The following NFX1 variants were observed in gnomAD, a reference collection of about 807,000 sequenced individuals.
NFX1 encodes transcriptional repressor NF-X1.
Under a neutral mutation model 137.2 loss-of-function variants are expected in NFX1, and 69 were observed. The ratio of observed to expected loss-of-function variants is 0.50; its 90% CI spans 0.41 to 0.61. The LOEUF (loss-of-function observed/expected upper bound fraction) is 0.61. Among genes scored for constraint, NFX1 ranks in the 20% least tolerant of loss-of-function variants. The probability of loss-of-function intolerance (pLI) is 0.00; values close to 1 mark genes in which losing one functional copy is unlikely to be tolerated. For missense variants in NFX1, 1,167 were observed against 1,391.0 expected, an observed-to-expected ratio of 0.84 and a Z score of 2.56; for synonymous variants, 495 against 474.1, an observed-to-expected ratio of 1.04 and a Z score of -0.57.
chr9:33,338,223 C>T (rs1564131553), intron 11 of NFX1, among the ~76,000 whole-genome samples: 1 of 151,720 alleles, frequency 6.6e-6, no homozygotes, highest in Non-Finnish European at 1.5e-5. Flanking sequence ...GGTGTGGTGG[C>T]AGGCACCTGT....
In NFX1 at chr9:33,294,964, T is replaced by A. The variant is rs1821298484; in HGVS notation, c.570T>A (p.Cys190Ter). 1.2e-6 allele frequency: 2 copies of A among 1,613,992 alleles called. No homozygotes were observed. The highest frequency in any genetic ancestry group is 1.7e-6 in the Non-Finnish European group (2 of 1,180,004). ...RGPKVKGKLK[C>*]EWSNRTTPKP... ...CAAAAGTCAAGGGGAAACTCAAATG[T>A]GAATGGAGTAACCGAACAACTCCAA... is the stretch of plus-strand genomic sequence containing the variant. The change falls in exon 2 of 24, where the codon TGT (cysteine) becomes TGA (stop). Residue 190 changes from cysteine to a stop codon, truncating the protein, a stop_gained. Transcript: ENST00000379540. LOFTEE classifies it high-confidence loss of function.
chr9:33,357,286 TG>T (rs978618993), intron 19 of NFX1, among the ~76,000 whole-genome samples: 15 of 151,904 alleles, frequency 9.9e-5, no homozygotes, highest in Admixed American at 3.9e-4. Context: ...TGGGCGACAG[TG>T]GGAGACTCCG....
intron 17 of NFX1, among the ~76,000 whole-genome samples, chr9:33,353,683 CTTTTTTTT>C (rs111306917): frequency 1.8e-5 from 2 of 110,086 alleles, no homozygotes; most frequent in Admixed American, 2.0e-4. Flanking sequence ...GATAGATTTG[CTTTTTTTT>C]TTTTTTTTTT....
chr9:33,343,051 A>G (rs706133), intron 13 of NFX1, among the ~76,000 whole-genome samples, 197 bp downstream of exon 13: 126,223 of 152,126 alleles, frequency 0.83, 52,493 homozygotes, highest in Non-Finnish European at 0.84. Context: ...TGGGATATGA[A>G]CAGTGATCCT....
At chr9:33,354,270 C>T (rs1467277962) in intron 18 of NFX1, 83 bp downstream of exon 18, 32 of 1,109,400 alleles carry the variant, frequency 2.9e-5, no homozygotes, top group Non-Finnish European at 3.9e-5. Flanking sequence ...TTATCTCAAT[C>T]CTTCATAGTA....
At chr9:33,352,570 G>T in intron 16 of NFX1, 76 bp from the exon 17 acceptor site, 1 of 1,258,504 alleles carries the variant, frequency 7.9e-7, no homozygotes. Flanking sequence ...GTTTAAGAGA[G>T]GATTTAAGAG....
intron 6 of NFX1, among the ~76,000 whole-genome samples, chr9:33,313,121 C>G (rs748033119): frequency 9.2e-5 from 14 of 152,110 alleles, no homozygotes; most frequent in Non-Finnish European, 8.8e-5. Flanking sequence ...AGGACCAGAA[C>G]CCAGATCTTC....
At chr9:33,356,991 C>CAA (rs371390697) in intron 19 of NFX1, among the ~76,000 whole-genome samples, 59 of 102,628 alleles carry the variant, frequency 5.7e-4, no homozygotes, top group Admixed American at 1.1e-3. Flanking sequence ...AATGCTGTCT[C>CAA]AAAAAAAAAA....
intron 7 of NFX1, 29 bp from the exon 8 acceptor site, chr9:33,318,702 C>T (rs1358812391): frequency 5.7e-6 from 9 of 1,584,856 alleles, no homozygotes; most frequent in Middle Eastern, 1.7e-4. Context: ...ATGTTACTAA[C>T]GTTTTGTTTT....
chr9:33,293,844 C>T (rs1312321453), intron 1 of NFX1, among the ~76,000 whole-genome samples: 1 of 152,158 alleles, frequency 6.6e-6, no homozygotes, highest in East Asian at 1.9e-4. Flanking sequence ...AACTAATACA[C>T]TTATTAAGTA....
intron 1 of NFX1, among the ~76,000 whole-genome samples, chr9:33,292,975 G>C (rs978993394): frequency 6.6e-6 from 1 of 152,152 alleles, no homozygotes; most frequent in African/African-American, 2.4e-5. Flanking sequence ...GATTTTGTGA[G>C]GCCCTCCATC....
At chr9:33,295,669 A>G (rs1821329069) in intron 2 of NFX1, among the ~76,000 whole-genome samples, 1 of 152,164 alleles carries the variant, frequency 6.6e-6, no homozygotes. Flanking sequence ...TCTTTTCCAA[A>G]TGAGGAATTT....
intron 11 of NFX1, among the ~76,000 whole-genome samples, chr9:33,334,993 C>T (rs1327576838): frequency 1.3e-5 from 2 of 152,190 alleles, no homozygotes; most frequent in Non-Finnish European, 2.9e-5. Flanking sequence ...TTTCATCCAT[C>T]CCTCCTTCCC....
At chr9:33,311,424 C>G (rs1329162644) in intron 6 of NFX1, among the ~76,000 whole-genome samples, 2 of 152,080 alleles carry the variant, frequency 1.3e-5, no homozygotes, top group African/African-American at 4.8e-5. Context: ...ATGGATAGTA[C>G]TTTTCTGTAA....
At chr9:33,311,284 G>T in intron 6 of NFX1, 107 bp downstream of exon 6, 2 of 1,020,540 alleles carry the variant, frequency 2.0e-6, no homozygotes, top group Non-Finnish European at 3.0e-6. Flanking sequence ...TAAATGGTAG[G>T]CATGAATAGT....
chr9:33,313,030 G>A (rs755292345), intron 6 of NFX1, among the ~76,000 whole-genome samples: 3 of 152,206 alleles, frequency 2.0e-5, no homozygotes, highest in East Asian at 1.9e-4. Context: ...CCATTGTGCT[G>A]TTAGTCTGAG....
chr9:33,308,859 G>A lies in NFX1; in HGVS notation c.1376+1560G>A, dbSNP rs73476696. ...TTGGAGGAGGGATAATATTGGACCA[G>A]GGCCTTGTGATCAAGGCATGGTGGT... On this transcript the variant is annotated intron_variant, in intron 5 of 23. Coordinates refer to ENST00000379540, the MANE Select transcript of NFX1 (RefSeq NM_002504.6). Among the ~76,000 whole-genome samples the A allele has an allele frequency of 6.1e-3, 933 of 152,116 alleles. 9 individuals are homozygous for A. The highest frequency in any genetic ancestry group is 0.022 in the African/African-American group (898 of 41,484).
intron 19 of NFX1, among the ~76,000 whole-genome samples, chr9:33,355,840 T>C (rs1401937369): frequency 6.6e-6 from 1 of 152,146 alleles, no homozygotes; most frequent in East Asian, 1.9e-4. Flanking sequence ...AAATGGGGTT[T>C]CACCATGTTG....
rs368598447 is a variant in NFX1, at chr9:33,324,224, T to G, written c.1907-4357T>G. 4.3e-4 allele frequency among the ~76,000 whole-genome samples: 65 copies of G among 152,028 alleles called. No homozygotes were observed. In the South Asian group the frequency reaches 0.013, roughly 31 times the overall value. ...TGAAATCTCGTCTCTACTAAAAATA[T>G]AAAAATTAGCTGGGTGTGGCGGCAC... is the stretch of plus-strand genomic sequence containing the variant. On this transcript the variant is annotated intron_variant, in intron 9 of 23. Transcript: ENST00000379540.
Sources: allele counts gnomAD v4.1 joint callset (sites outside exome capture counted in the v4.1 genomes callset), GRCh38; gene constraint gnomAD v4.1.1; transcripts MANE v1.5; gene names NCBI Gene and HGNC (gene_info 2026-07-23, HGNC 2026-07-21).